JPT2: variants seen among roughly 807,000 people sequenced by gnomAD.
JPT2 encodes the protein CRAMP_1 like.
JPT2 carries 9 observed loss-of-function variants against 15.9 expected under a neutral mutation model. The observed-to-expected ratio is 0.57, with a 90% CI of 0.34 to 0.99. JPT2 has a LOEUF of 0.99. Among genes scored for constraint, JPT2 ranks in the 50% least tolerant of loss-of-function variants. JPT2 has a pLI of 0.02. For synonymous variants in JPT2, 95 were observed against 91.7 expected (o/e 1.04, Z -0.21); for missense variants, 267 against 252.1 (o/e 1.06, Z -0.40).
At position 1,701,935 on chromosome 16, in the gene JPT2, G is replaced by C; in HGVS notation, c.*2937G>C. ...TGCATGCCTGTAGTCCCAGCTACTC[G>C]GGAGGCTGAGTGAGGCAGGAGGATC... On this transcript the variant is annotated 3_prime_UTR_variant, in exon 5 of 5. Transcript: ENST00000248098. 1 of 325,892 alleles carries C rather than the reference G, an allele frequency of 3.1e-6. No homozygotes were observed. The highest frequency in any genetic ancestry group is 2.4e-5 in the South Asian group (1 of 41,358). The allele number at this position is 325,892 out of a possible 1,614,324, so 20.2% of individuals were successfully genotyped here. A position where few individuals can be genotyped will look rare whatever the true frequency, so the allele number is the denominator to read the frequency against.
At chr16:1,694,610 C>T (rs1399531649) in intron 3 of JPT2, among the ~76,000 whole-genome samples, 2 of 152,120 alleles carry the variant, frequency 1.3e-5, no homozygotes, top group Non-Finnish European at 2.9e-5. Flanking sequence ...GTAATCCAAA[C>T]AGCATGGCAC....
At chr16:1,697,776 G>A in intron 3 of JPT2, 36 bp from the exon 4 acceptor site, 1 of 1,605,936 alleles carries the variant, frequency 6.2e-7, no homozygotes, top group Non-Finnish European at 8.5e-7. Context: ...AAAATTTTCT[G>A]AGTGAGTCCT....
At chr16:1,687,389 T>G (rs1316300161) in intron 2 of JPT2, among the ~76,000 whole-genome samples, 1 of 152,212 alleles carries the variant, frequency 6.6e-6, no homozygotes, top group Non-Finnish European at 1.5e-5. Context: ...TCTCGTTGTT[T>G]CCGGTTTATG....
intron 3 of JPT2, among the ~76,000 whole-genome samples, chr16:1,693,052 A>C (rs142947899): frequency 6.6e-6 from 1 of 152,166 alleles, no homozygotes; most frequent in South Asian, 2.1e-4. Flanking sequence ...ATAGAGTCTT[A>C]TATAGGACCT....
chr16:1,697,132 T>C (rs535155434), intron 3 of JPT2, among the ~76,000 whole-genome samples: 1 of 152,338 alleles, frequency 6.6e-6, no homozygotes, highest in African/African-American at 2.4e-5. Flanking sequence ...TAGAAAGGAA[T>C]GGAGCATTGA....
At chr16:1,682,101 C>A (rs190803230) in intron 1 of JPT2, among the ~76,000 whole-genome samples, 1 of 152,330 alleles carries the variant, frequency 6.6e-6, no homozygotes, top group African/African-American at 2.4e-5. Flanking sequence ...ATTGGCTGGG[C>A]ACAGTGGCTC....
chr16:1,684,888 G>A (rs936308167), intron 1 of JPT2, among the ~76,000 whole-genome samples: 3 of 150,544 alleles, frequency 2.0e-5, no homozygotes, highest in Admixed American at 6.6e-5. Flanking sequence ...TCCAGCCTGG[G>A]CGACAGAGCG....
At chr16:1,696,478 G>A (rs145256771) in intron 3 of JPT2, among the ~76,000 whole-genome samples, 9 of 150,874 alleles carry the variant, frequency 6.0e-5, no homozygotes, top group African/African-American at 9.8e-5. Context: ...CCGAGATTGC[G>A]CCACTGCACT....
chr16:1,679,088 T>C (rs1318056741), intron 1 of JPT2, among the ~76,000 whole-genome samples: 1 of 152,232 alleles, frequency 6.6e-6, no homozygotes, highest in African/African-American at 2.4e-5. Flanking sequence ...TCTTATGTTT[T>C]TGAACTTTTA....
In JPT2 at chr16:1,678,323, T is replaced by C; in HGVS notation, c.11T>C (p.Val4Ala). MFQVPDSEGGRAGS... is the reference protein window; with the variant it reads MFQAPDSEGGRAGS... ...GTGGCGGCGGTCGACATGTTCCAGG[T>C]CCCGGATAGCGAGGGCGGCCGCGCC... The change falls in exon 1 of 5, where the codon GTC becomes GCC. Residue 4 changes from valine (V) to alanine (A), a missense_variant. Transcript: ENST00000248098. 4 of 1,236,234 alleles carry C rather than the reference T, an allele frequency of 3.2e-6. No individual in the cohort carries two copies. The highest frequency in any genetic ancestry group is 3.2e-5 in the East Asian group (1 of 31,430). 76.6% of individuals were successfully genotyped at this position (1,236,234 alleles called of 1,614,324 possible). A position where few individuals can be genotyped will look rare whatever the true frequency, so the allele number is the denominator to read the frequency against.
chr16:1,693,585 C>T (rs977227860), intron 3 of JPT2, among the ~76,000 whole-genome samples: 1 of 152,090 alleles, frequency 6.6e-6, no homozygotes, highest in Non-Finnish European at 1.5e-5. Flanking sequence ...TTCCAGTGAA[C>T]GTAGATCAGG....
At position 1,698,208 on chromosome 16, in the gene JPT2, A is replaced by G. The variant is rs945022878; in HGVS notation, c.385+348A>G. Among the ~76,000 whole-genome samples the G allele has an allele frequency of 1.3e-5, 2 of 152,178 alleles. No individual in the cohort carries two copies. The highest frequency in any genetic ancestry group is 2.9e-5 in the Non-Finnish European group (2 of 68,018). ...GAGAAGAGAGGGGCACAAGAGAGGG[A>G]TGGAGGATGGGGAGGCGGGTGTCTC... is the stretch of plus-strand genomic sequence containing the variant. On this transcript the variant is annotated intron_variant, in intron 4 of 4. Coordinates refer to ENST00000248098, the MANE Select transcript of JPT2 (RefSeq NM_144570.3). The surrounding 1 kb of genome is among the most constrained non-coding windows in gnomAD (Gnocchi z 4.9).
At chr16:1,678,585 C>T (rs2036992918) in intron 1 of JPT2, among the ~76,000 whole-genome samples, 1 of 152,116 alleles carries the variant, frequency 6.6e-6, no homozygotes, top group Non-Finnish European at 1.5e-5. Flanking sequence ...CTGCCCGCGA[C>T]CGAGGCCGAG....
At chr16:1,692,150 G>A in intron 3 of JPT2, 165 bp downstream of exon 3, 1 of 890,846 alleles carries the variant, frequency 1.1e-6, no homozygotes, top group Non-Finnish European at 1.7e-6. Flanking sequence ...GTTCCCCTGA[G>A]TCACCCAGGA....
chr16:1,684,113 G>A (rs562656944), intron 1 of JPT2, among the ~76,000 whole-genome samples: 8 of 152,322 alleles, frequency 5.3e-5, no homozygotes, highest in Admixed American at 2.0e-4. Flanking sequence ...GTCTGTAGAT[G>A]TTCAGTACAG....
chr16:1,684,866 G>A (rs2037052791), intron 1 of JPT2, among the ~76,000 whole-genome samples: 1 of 145,898 alleles, frequency 6.9e-6, no homozygotes, highest in Admixed American at 6.8e-5. Context: ...AGCTGAGATC[G>A]TGCCACTGCA....
chr16:1,684,307 C>T (rs527824518), intron 1 of JPT2, among the ~76,000 whole-genome samples: 1 of 152,184 alleles, frequency 6.6e-6, no homozygotes, highest in South Asian at 2.1e-4. Context: ...TTCAGTAAGC[C>T]TCTCTCTCAA....
Position 1,681,343 on chromosome 16 carries a change from G to C in JPT2, c.44+2987G>C, listed in dbSNP as rs556745746. ...AGATAGCCGCTGCCCCTTGCCTGGG[G>C]CTGGGCCTGTGTGCGCCATAATTTC... On this transcript the variant is annotated intron_variant, in intron 1 of 4. Coordinates refer to ENST00000248098, the MANE Select transcript of JPT2 (RefSeq NM_144570.3). Among the ~76,000 whole-genome samples, 6 of 152,342 alleles carry C rather than the reference G, an allele frequency of 3.9e-5. No individual in the cohort carries two copies. The East Asian group carries it at 1.2e-3, about 29-fold the overall frequency.
At chr16:1,682,668 G>C (rs1234130782) in intron 1 of JPT2, among the ~76,000 whole-genome samples, 3 of 148,784 alleles carry the variant, frequency 2.0e-5, no homozygotes, top group East Asian at 2.0e-4. Context: ...GCGAGATTTC[G>C]TCTCAAAAAA....
Sources: gnomAD v4.1 joint callset for allele counts (sites outside exome capture counted in the v4.1 genomes callset) on GRCh38, gnomAD v4.1.1 for gene constraint, Gnocchi (gnomAD v3.1) non-coding constraint, MANE v1.5 for transcripts, NCBI Gene and HGNC (gene_info 2026-07-23, HGNC 2026-07-21) for gene names.